DIPK1B: variants seen among roughly 807,000 people sequenced by gnomAD.
The protein encoded by DIPK1B is family with sequence similarity 69 member B.
A neutral mutation model predicts 20.7 loss-of-function variants in DIPK1B; 17 were observed. The observed-to-expected ratio is 0.82, with a 90% CI of 0.56 to 1.23. The LOEUF (loss-of-function observed/expected upper bound fraction) is 1.23, where lower values mean the gene tolerates loss of function less well. Ranked by LOEUF, DIPK1B falls within the 50% of genes most tolerant of loss-of-function variation. The pLI is 0.00. For missense variants in DIPK1B, 648 were observed against 601.8 expected, an observed-to-expected ratio of 1.08 and a Z score of -0.80; for synonymous variants, 343 against 276.5, an observed-to-expected ratio of 1.24 and a Z score of -2.39.
intron 2 of DIPK1B, among the ~76,000 whole-genome samples, chr9:136,718,391 A>G (rs1221383771): frequency 1.3e-5 from 2 of 152,138 alleles, no homozygotes; most frequent in Non-Finnish European, 2.9e-5. Flanking sequence ...CCTCAGGGAG[A>G]TAGGGCTAAG....
chr9:136,720,506 C>T (rs538769793), intron 2 of DIPK1B, among the ~76,000 whole-genome samples: 110 of 152,304 alleles, frequency 7.2e-4, no homozygotes, highest in Non-Finnish European at 1.4e-3. Flanking sequence ...TCCATCCCTC[C>T]ATCACCTCCC....
At chr9:136,721,709 G>T in intron 2 of DIPK1B, 1 of 571,878 alleles carries the variant, frequency 1.7e-6, no homozygotes, top group Non-Finnish European at 3.1e-6. Context: ...GGACCGGACC[G>T]GAGGGTTGGC....
intron 2 of DIPK1B, among the ~76,000 whole-genome samples, chr9:136,718,771 G>A (rs1846543069): frequency 6.6e-6 from 1 of 152,248 alleles, no homozygotes; most frequent in South Asian, 2.1e-4. Flanking sequence ...TGGCAACTGG[G>A]TGGTGGATGA....
At chr9:136,717,867 T>C (rs1382234571) in intron 2 of DIPK1B, among the ~76,000 whole-genome samples, 156 bp downstream of exon 2, 1 of 143,186 alleles carries the variant, frequency 7.0e-6, no homozygotes, top group African/African-American at 2.6e-5. Flanking sequence ...TCAGGCTGGG[T>C]GTGGAGGACA....
In DIPK1B at chr9:136,721,916, C is replaced by A; in HGVS notation, c.199-5C>A. 6.2e-7 allele frequency: 1 copy of A among 1,612,816 alleles called. No homozygotes were observed. The highest frequency in any genetic ancestry group is 8.5e-7 in the Non-Finnish European group (1 of 1,179,816). On this transcript the variant is annotated splice_polypyrimidine_tract_variant and splice_region_variant and intron_variant, in intron 2 of 4. Transcript: ENST00000371692. ...CGCCCGGCACGCCTGCACCTGTCTC[C>A]TCAGTGTGACCAGTACCGCAAGGGG... is the stretch of plus-strand genomic sequence containing the variant.
chr9:136,717,973 G>T (rs535262370), intron 2 of DIPK1B, among the ~76,000 whole-genome samples: 36 of 152,088 alleles, frequency 2.4e-4, no homozygotes, highest in Admixed American at 1.4e-3. Context: ...CGTGGGGGCT[G>T]GGGGCAGAAG....
At chr9:136,713,560 C>T (rs1006903216) in intron 1 of DIPK1B, among the ~76,000 whole-genome samples, 6 of 152,224 alleles carry the variant, frequency 3.9e-5, no homozygotes, top group Admixed American at 1.3e-4. Context: ...CCCTCTGTGC[C>T]CACTTGGGGC....
At chr9:136,716,973 A>C (rs1264964968) in intron 1 of DIPK1B, among the ~76,000 whole-genome samples, 1 of 152,136 alleles carries the variant, frequency 6.6e-6, no homozygotes, top group Non-Finnish European at 1.5e-5. Flanking sequence ...TCACACCTGT[A>C]ATCCCAGCAC....
rs755692566 is a variant in DIPK1B at position 136,724,096 on chromosome 9, G to A, written c.*322G>A. 3.6e-5 allele frequency: 12 copies of A among 333,432 alleles called. No homozygotes were observed. Among genetic ancestry groups the A allele is most frequent in the African/African-American group, 2.4e-4 (11 of 45,582 alleles). 20.7% of individuals were successfully genotyped at this position (333,432 alleles called of 1,614,324 possible). A position where few individuals can be genotyped will look rare whatever the true frequency, so the allele number is the denominator to read the frequency against. ...TGCTGTGTGTGGGACCCTTCGCCCC[G>A]CTGTGGATCCACCCAGCCCAGGCAC... is the stretch of plus-strand genomic sequence containing the variant. On this transcript the variant is annotated 3_prime_UTR_variant, in exon 5 of 5. Transcript: ENST00000371692.
chr9:136,712,817 G>A lies in DIPK1B; in HGVS notation c.63+89G>A. On this transcript the variant is annotated intron_variant, in intron 1 of 4. Coordinates refer to ENST00000371692, the MANE Select transcript of DIPK1B (RefSeq NM_152421.4). This position sits in a 1 kb window ranked among gnomAD's most constrained non-coding sequence, Gnocchi z 5.6. ...CGGAGTGGGCCGAGTACGGAGCGGG[G>A]CCCCGGGTTCGGACACGAAGGGTTC... is the stretch of plus-strand genomic sequence containing the variant. 1 of 992,986 alleles carries A rather than the reference G, an allele frequency of 1.0e-6. No individual in the cohort carries two copies. The highest frequency in any genetic ancestry group is 1.3e-6 in the Non-Finnish European group (1 of 773,360). The allele number at this position is 992,986 out of a possible 1,614,324, so 61.5% of individuals were successfully genotyped here.
chr9:136,717,562 C>G lies in DIPK1B; in HGVS notation c.64-15C>G. ...GCCCCGAGGGCACCTCCTCACGCAG[C>G]CCCTTCCCCCACAGGGCCGGCTCCC... On this transcript the variant is annotated splice_polypyrimidine_tract_variant and intron_variant, in intron 1 of 4. Transcript: ENST00000371692. 1.3e-6 allele frequency: 2 copies of G among 1,596,302 alleles called. No individual in the cohort carries two copies. The highest frequency in any genetic ancestry group is 1.7e-6 in the Non-Finnish European group (2 of 1,178,616).
rs1460164251 is a variant in DIPK1B, at chr9:136,720,034, AGGGGCTGGTCTGGGGCTCCGGGTGCAG to A, written c.199-1871_199-1845del. Among the ~76,000 whole-genome samples, 151 of 114,578 alleles carry A rather than the reference AGGGGCTGGTCTGGGGCTCCGGGTGCAG, an allele frequency of 1.3e-3. 1 individual carries two copies. The highest frequency in any genetic ancestry group is 4.5e-3 in the African/African-American group (121 of 27,142). The allele number at this position is 114,578 out of a possible 152,430, so 75.2% of individuals were successfully genotyped here. On this transcript the variant is annotated intron_variant, in intron 2 of 4. Coordinates refer to ENST00000371692, the MANE Select transcript of DIPK1B (RefSeq NM_152421.4). ...CTGTGTGGTCTGGGGTTCCAGGCGC[AGGGGCTGGTCTGGGGCTCCGGGTGCAG>A]GGGGCTGGTCTGGGGTTCCGGGTGC... is the stretch of plus-strand genomic sequence containing the variant.
At chr9:136,718,169 T>C (rs12555022) in intron 2 of DIPK1B, among the ~76,000 whole-genome samples, 10 of 30,388 alleles carry the variant, frequency 3.3e-4, no homozygotes, top group African/African-American at 5.6e-4. Context: ...CTCACTGGCC[T>C]GGGATAGAGA....
intron 4 of DIPK1B, chr9:136,722,621 G>A (rs1846625081): frequency 7.1e-6 from 4 of 560,692 alleles, no homozygotes; most frequent in South Asian, 6.6e-5. Context: ...GCTTCCCAGG[G>A]CTTCAGCCAG....
intron 2 of DIPK1B, among the ~76,000 whole-genome samples, chr9:136,719,535 A>G (rs1467214637): frequency 6.6e-6 from 1 of 152,226 alleles, no homozygotes; most frequent in Non-Finnish European, 1.5e-5. Flanking sequence ...TCGCGAGGCC[A>G]AGAACTAGAC....
intron 2 of DIPK1B, among the ~76,000 whole-genome samples, chr9:136,718,258 T>A (rs1442908562): frequency 6.9e-6 from 1 of 145,116 alleles, no homozygotes; most frequent in Non-Finnish European, 1.5e-5. Context: ...GAGACCCCCG[T>A]GTGCTGGCCT....
At chr9:136,717,516 G>C in intron 1 of DIPK1B, 61 bp from the exon 2 acceptor site, 1 of 1,561,674 alleles carries the variant, frequency 6.4e-7, no homozygotes, top group African/African-American at 1.4e-5. Flanking sequence ...AAGTGGGGTT[G>C]AGAGCACCCT....
intron 2 of DIPK1B, among the ~76,000 whole-genome samples, chr9:136,720,655 G>A (rs1041181121): frequency 1.3e-5 from 2 of 152,194 alleles, no homozygotes; most frequent in African/African-American, 2.4e-5. Context: ...GGGGGCCTGT[G>A]GGACAGGGAA....
At chr9:136,716,827 C>T (rs1026091321) in intron 1 of DIPK1B, among the ~76,000 whole-genome samples, 3 of 152,018 alleles carry the variant, frequency 2.0e-5, no homozygotes, top group African/African-American at 4.8e-5. Flanking sequence ...TTACGGTGGA[C>T]GGTGGGAAAA....
Sources: allele counts gnomAD v4.1 joint callset (sites outside exome capture counted in the v4.1 genomes callset), GRCh38; gene constraint gnomAD v4.1.1; non-coding constraint Gnocchi (gnomAD v3.1); transcripts MANE v1.5; gene names NCBI Gene and HGNC (gene_info 2026-07-23, HGNC 2026-07-21).